SORCS3: variants seen among roughly 807,000 people sequenced by gnomAD.
SORCS3 encodes the protein sortilin related VPS10 domain containing receptor 3.
In SORCS3, 57 loss-of-function variants were observed where a neutral mutation model predicts 146.3. The ratio of observed to expected loss-of-function variants is 0.39; its 90% confidence interval spans 0.31 to 0.49. SORCS3 has a LOEUF of 0.49. Among genes scored for constraint, SORCS3 ranks in the 20% least tolerant of loss-of-function variants. The pLI, the probability that SORCS3 is intolerant of heterozygous loss-of-function variation, is 0.92. For missense variants in SORCS3, 1,341 were observed against 1,575.5 expected (o/e 0.85, Z 2.52); for synonymous variants, 653 against 618.5 (o/e 1.06, Z -0.83).
chr10:104,928,064 A>G (rs1410555207), intron 3 of SORCS3, among the ~76,000 whole-genome samples: 1 of 152,170 alleles, frequency 6.6e-6, no homozygotes, highest in Non-Finnish European at 1.5e-5. Flanking sequence ...CTGATAAGGT[A>G]ATGAGAGTAT....
At chr10:105,032,271 C>G (rs1400543986) in intron 4 of SORCS3, among the ~76,000 whole-genome samples, 1 of 152,158 alleles carries the variant, frequency 6.6e-6, no homozygotes, top group Non-Finnish European at 1.5e-5. Flanking sequence ...ATCAGATACC[C>G]TGAAATTTAC....
intron 1 of SORCS3, among the ~76,000 whole-genome samples, chr10:104,765,503 A>G (rs1050298972): frequency 6.6e-6 from 1 of 152,214 alleles, no homozygotes; most frequent in African/African-American, 2.4e-5. Flanking sequence ...TATAACGTAC[A>G]TGAAAACACC....
chr10:104,790,118 A>T (rs761120069), intron 1 of SORCS3, among the ~76,000 whole-genome samples: 2 of 152,206 alleles, frequency 1.3e-5, no homozygotes, highest in Non-Finnish European at 2.9e-5. Flanking sequence ...TGCAGACCAT[A>T]TCTAAAAGCC....
intron 1 of SORCS3, among the ~76,000 whole-genome samples, chr10:104,797,948 G>C (rs2017576514): frequency 6.6e-6 from 1 of 152,174 alleles, no homozygotes; most frequent in African/African-American, 2.4e-5. Context: ...TAGCATTTTT[G>C]AGAGTGAGGC....
At chr10:104,856,719 A>G (rs1326560170) in intron 2 of SORCS3, among the ~76,000 whole-genome samples, 3 of 145,608 alleles carry the variant, frequency 2.1e-5, no homozygotes, top group Non-Finnish European at 3.0e-5. Flanking sequence ...CTTTTCCTTT[A>G]TCTCTATCTC....
At chr10:104,990,033 C>G (rs1455706356) in intron 4 of SORCS3, among the ~76,000 whole-genome samples, 1 of 152,212 alleles carries the variant, frequency 6.6e-6, no homozygotes, top group Non-Finnish European at 1.5e-5. Flanking sequence ...TAGTGTGCTC[C>G]TGCTGATTTC....
At chr10:104,828,730 C>A (rs372341798) in intron 1 of SORCS3, among the ~76,000 whole-genome samples, 1 of 152,076 alleles carries the variant, frequency 6.6e-6, no homozygotes, top group African/African-American at 2.4e-5. Flanking sequence ...AACAAGGTAC[C>A]TTTGTCTTCT....
chr10:105,081,324 C>T (rs1259179311), intron 5 of SORCS3, among the ~76,000 whole-genome samples: 1 of 152,126 alleles, frequency 6.6e-6, no homozygotes, highest in Non-Finnish European at 1.5e-5. Context: ...GGTCCTGCCA[C>T]CCCCTTCCAA....
At chr10:104,993,932 A>G (rs905822964) in intron 4 of SORCS3, among the ~76,000 whole-genome samples, 2 of 151,906 alleles carry the variant, frequency 1.3e-5, no homozygotes, top group Admixed American at 6.6e-5. Context: ...ACAAATGCTA[A>G]CAAATATCCA....
At chr10:105,187,127 T>G (rs1228555557) in intron 14 of SORCS3, among the ~76,000 whole-genome samples, 1 of 152,174 alleles carries the variant, frequency 6.6e-6, no homozygotes, top group Admixed American at 6.5e-5. Flanking sequence ...GGATGATTTA[T>G]TTTTATTCAT....
rs1203909301 is a variant in SORCS3, at chr10:104,696,364, T to C, written c.627+54410T>C. ...TATGATATATATCATATATATATCA[T>C]ATATAGTATATAATATATATTATAT... is the stretch of plus-strand genomic sequence containing the variant. On this transcript the variant is annotated intron_variant, in intron 1 of 26. Coordinates refer to ENST00000369701, the MANE Select transcript of SORCS3 (RefSeq NM_014978.3). Among the ~76,000 whole-genome samples the C allele has an allele frequency of 1.0e-3, 20 of 19,146 alleles. 7 individuals are homozygous for C. Among genetic ancestry groups the C allele is most frequent in the East Asian group, 2.3e-3 (2 of 854 alleles). 12.6% of individuals were successfully genotyped at this position (19,146 alleles called of 152,430 possible).
Position 104,867,518 on chromosome 10 carries a change from CCAGGATG to C in SORCS3, c.695+24660_695+24666del, listed in dbSNP as rs2018473229. Among the ~76,000 whole-genome samples, 5 of 152,048 alleles carry C rather than the reference CCAGGATG, an allele frequency of 3.3e-5. No individual in the cohort carries two copies. In the South Asian group the frequency reaches 1.0e-3, roughly 32 times the overall value. ...TAGAGACAGGGTTTCATCATGTTAA[CCAGGATG>C]GTCTCGATCTCCTGACCTCATGATC... On this transcript the variant is annotated intron_variant, in intron 2 of 26. Coordinates refer to ENST00000369701, the MANE Select transcript of SORCS3 (RefSeq NM_014978.3).
intron 1 of SORCS3, among the ~76,000 whole-genome samples, chr10:104,701,988 C>T (rs999519106): frequency 1.3e-5 from 2 of 152,018 alleles, no homozygotes; most frequent in Non-Finnish European, 2.9e-5. Flanking sequence ...GTTTTGTGGG[C>T]CACCGGGTGA....
At chr10:105,001,322 G>C (rs1287195426) in intron 4 of SORCS3, among the ~76,000 whole-genome samples, 1 of 152,168 alleles carries the variant, frequency 6.6e-6, no homozygotes, top group African/African-American at 2.4e-5. Context: ...TTCACGGAAG[G>C]AGAATCGTGT....
chr10:105,125,679 CCACA>C (rs71022752), intron 7 of SORCS3, among the ~76,000 whole-genome samples: 10 of 144,374 alleles, frequency 6.9e-5, no homozygotes, highest in African/African-American at 2.1e-4. Context: ...CACTGAATAT[CCACA>C]CACACACACA....
intron 1 of SORCS3, among the ~76,000 whole-genome samples, chr10:104,703,612 G>A (rs1249501040): frequency 2.0e-5 from 3 of 149,932 alleles, no homozygotes; most frequent in Admixed American, 6.7e-5. Flanking sequence ...GGTGGGGGGT[G>A]AGGGGAGGGA....
At chr10:104,996,722 C>T (rs983377645) in intron 4 of SORCS3, among the ~76,000 whole-genome samples, 1 of 152,008 alleles carries the variant, frequency 6.6e-6, no homozygotes, top group Admixed American at 6.6e-5. Flanking sequence ...TACTATTTTA[C>T]TAGTTTCTGA....
intron 14 of SORCS3, among the ~76,000 whole-genome samples, chr10:105,193,335 A>G (rs894693893): frequency 6.6e-6 from 1 of 152,234 alleles, no homozygotes; most frequent in African/African-American, 2.4e-5. Flanking sequence ...ATAAGGGCAG[A>G]TGAAGCTATT....
At chr10:104,901,814 T>A (rs903450765) in intron 2 of SORCS3, among the ~76,000 whole-genome samples, 10 of 152,204 alleles carry the variant, frequency 6.6e-5, no homozygotes, top group Admixed American at 2.0e-4. Flanking sequence ...GTATTCCCAC[T>A]GGTGCCTAGA....
Sources: gnomAD v4.1 joint callset for allele counts (sites outside exome capture counted in the v4.1 genomes callset) on GRCh38, gnomAD v4.1.1 for gene constraint, MANE v1.5 for transcripts, NCBI Gene and HGNC (gene_info 2026-07-23, HGNC 2026-07-21) for gene names.